The following OR5V1 variants were observed in gnomAD, a reference collection of about 807,000 sequenced individuals.
OR5V1 encodes olfactory receptor family 5 subfamily V member 1, also known as olfactory receptor 5V1.
For missense variants in OR5V1, 365 were observed against 371.5 expected (o/e 0.98, Z 0.14); for synonymous variants, 134 against 143.2 (o/e 0.94, Z 0.46).
Position 29,355,517 on chromosome 6 carries a change from T to G in OR5V1, c.679A>C (p.Arg227=). The change falls in exon 2 of 2, where the codon AGG becomes CGG. Residue 227 remains arginine, a synonymous_variant. Transcript: ENST00000641768. The part of the protein sequence containing the change: ...SYICIISTIL[R]IQSSEGRRKA... Reference sequence around the variant, plus strand: ...CGTCTTCCCTCTGAGGACTGGATCCTCAAGATGGTGGAGATTATGCAAATG... The same window carrying G: ...CGTCTTCCCTCTGAGGACTGGATCCGCAAGATGGTGGAGATTATGCAAATG... 3.1e-6 allele frequency: 5 copies of G among 1,613,968 alleles called. No individual in the cohort carries two copies. Among genetic ancestry groups the G allele is most frequent in the Non-Finnish European group, 4.2e-6 (5 of 1,179,906 alleles).
chr6:29,366,326 A>T (rs906069911), intron 1 of OR5V1, among the ~76,000 whole-genome samples: 1 of 14,752 alleles, frequency 6.8e-5, no homozygotes, highest in East Asian at 4.3e-3. Context: ...AAAGTATATT[A>T]AAAAAAAAAA....
At chr6:29,360,545 G>C (rs998896089) in intron 1 of OR5V1, among the ~76,000 whole-genome samples, 2 of 152,138 alleles carry the variant, frequency 1.3e-5, no homozygotes, top group Non-Finnish European at 2.9e-5. Context: ...GCTGGCACTG[G>C]GCTTCCCTTT....
At position 29,357,607 on chromosome 6, in the gene OR5V1, A is replaced by G. The variant is rs114431804; in HGVS notation, c.-82-1330T>C. Among the ~76,000 whole-genome samples the G allele has an allele frequency of 7.0e-3, 1,067 of 152,256 alleles. 8 individuals are homozygous for G. The highest frequency in any genetic ancestry group is 0.011 in the Non-Finnish European group (716 of 67,980). ...TGCAGTGTTTTGATGGTTAAATCCA[A>G]TTGTTTCTAAATACCTGGTTTTTAT... On this transcript the variant is annotated intron_variant, in intron 1 of 1. Transcript: ENST00000641768.
At position 29,355,342 on chromosome 6, in the gene OR5V1, AG is replaced by A. The variant is rs1479720196; in HGVS notation, c.853del (p.Leu285Ter). On this transcript the variant is annotated frameshift_variant, in exon 2 of 2. Transcript: ENST00000641768. LOFTEE classifies it low-confidence loss of function (END_TRUNC). ...SVLYSVVTPM[L>X]NPIIYTLRNK... ...CCTCAATGTGTAAATTATAGGGTTT[AG>A]CATGGGGGTAACAACACTGTACAAC... 6.2e-7 allele frequency: 1 copy of A among 1,613,892 alleles called. No individual in the cohort carries two copies. Among genetic ancestry groups the A allele is most frequent in the Non-Finnish European group, 8.5e-7 (1 of 1,179,904 alleles).
chr6:29,355,689 ACAGAAGGG>A lies in OR5V1; in HGVS notation c.499_506del (p.Pro167TrpfsTer6), dbSNP rs1562924217. 6.2e-7 allele frequency: 1 copy of A among 1,614,066 alleles called. No homozygotes were observed. The highest frequency in any genetic ancestry group is 1.7e-5 in the Admixed American group (1 of 59,982). Reference sequence around the variant, plus strand: ...AGAAGTAATTAATCTGATTGTTGCCACAGAAGGGCAGGCAGAATGTCAACACTGTATGC... The same window carrying A: ...AGAAGTAATTAATCTGATTGTTGCCACAGGCAGAATGTCAACACTGTATGC... On this transcript the variant is annotated frameshift_variant, in exon 2 of 2. Transcript: ENST00000641768. LOFTEE classifies it low-confidence loss of function (END_TRUNC).
In OR5V1 at chr6:29,355,486, G is replaced by T. The variant is rs1247144001; in HGVS notation, c.710C>A (p.Ala237Asp). 1.9e-6 allele frequency: 3 copies of T among 1,613,870 alleles called. No individual in the cohort carries two copies. The East Asian group carries it at 6.7e-5, about 36-fold the overall frequency. ...CAGGTGGGAGGCACATGTAGAGAAG[G>T]CTTTTCGTCTTCCCTCTGAGGACTG... ...RIQSSEGRRK[A>D]FSTCASHLAI... Residue 237 changes from alanine (A) to aspartate (D), a missense_variant, in exon 2 of 2, where the codon GCC (alanine) becomes GAC (aspartate). Physicochemically the swap from Ala to Asp is moderately radical, Grantham distance 126 (BLOSUM62 -2). Coordinates refer to ENST00000641768, the MANE Select transcript of OR5V1 (RefSeq NM_030876.6).
Position 29,355,725 on chromosome 6 carries a change from CACT to C in OR5V1, c.468_470del (p.Val158del). The C allele has an allele frequency of 6.2e-7, 1 of 1,613,984 alleles. No individual in the cohort carries two copies. On this transcript the variant is annotated inframe_deletion, in exon 2 of 2. Transcript: ENST00000641768. ...GGCAGAATGTCAACACTGTATGCAC[CACT>C]GAGTTAAGGAAACCAGCAGCCCAGC...
Position 29,355,130 on chromosome 6 carries a change from A to G in OR5V1, c.*100T>C. ...GACTGGAGTGTATCAACTCTTCAAT[A>G]TCTGTCCCAACATTGCAATTATCTT... is the stretch of plus-strand genomic sequence containing the variant. On this transcript the variant is annotated 3_prime_UTR_variant, in exon 2 of 2. Transcript: ENST00000641768. 1 of 1,201,322 alleles carries G rather than the reference A, an allele frequency of 8.3e-7. No individual in the cohort carries two copies. Among genetic ancestry groups the G allele is most frequent in the Non-Finnish European group, 1.1e-6 (1 of 871,276 alleles). The allele number at this position is 1,201,322 out of a possible 1,614,324, so 74.4% of individuals were successfully genotyped here.
Position 29,355,979 on chromosome 6 carries a change from A to G in OR5V1, c.217T>C (p.Tyr73His), listed in dbSNP as rs1225588250. The G allele has an allele frequency of 6.2e-7, 1 of 1,614,094 alleles. No homozygotes were observed. Among genetic ancestry groups the G allele is most frequent in the East Asian group, 2.2e-5 (1 of 44,882 alleles). ...ATCTGGGGGACATTGCTGGTGGTGTAGCAGATGTCAATAAAGGCCAAGTTC... is the reference window on the plus strand; with the variant it reads ...ATCTGGGGGACATTGCTGGTGGTGTGGCAGATGTCAATAAAGGCCAAGTTC... ...LGNLAFIDIC[Y>H]TTSNVPQMMV... Residue 73 changes from tyrosine (Y) to histidine (H), a missense_variant, in exon 2 of 2, where the codon TAC becomes CAC. By Grantham distance (83) the Tyr-to-His change is moderately conservative. Coordinates refer to ENST00000641768, the MANE Select transcript of OR5V1 (RefSeq NM_030876.6).
rs534176240 is a variant in OR5V1 at position 29,355,756 on chromosome 6, G to C, written c.440C>G (p.Ser147Ter). 3.1e-6 allele frequency: 5 copies of C among 1,613,794 alleles called. No individual in the cohort carries two copies. In the East Asian group the frequency reaches 8.9e-5, roughly 29 times the overall value. ...SKVLCNQLAA[S>*]CWAAGFLNSV... ...GTTAAGGAAACCAGCAGCCCAGCAT[G>C]AGGCTGCTAATTGATTGCATAGAAC... Residue 147 changes from serine (S) to a stop codon, truncating the protein, a stop_gained, in exon 2 of 2, where the codon TCA becomes TGA. Transcript: ENST00000641768. LOFTEE classifies it low-confidence loss of function (END_TRUNC).
In OR5V1 at chr6:29,354,815, G is replaced by T. The variant is rs1778174873; in HGVS notation, c.*415C>A. On this transcript the variant is annotated 3_prime_UTR_variant, in exon 2 of 2. Coordinates refer to ENST00000641768, the MANE Select transcript of OR5V1 (RefSeq NM_030876.6). ...GTTTTATTAAGAAGGGCCTACTAAA[G>T]AAAGAAAGGTCAAAAGCATGGCTTA... 1 of 155,342 alleles carries T rather than the reference G, an allele frequency of 6.4e-6. No homozygotes were observed. Among genetic ancestry groups the T allele is most frequent in the Non-Finnish European group, 1.4e-5 (1 of 70,396 alleles). 9.6% of individuals were successfully genotyped at this position (155,342 alleles called of 1,614,324 possible).
At chr6:29,360,002 G>A (rs958142600) in intron 1 of OR5V1, among the ~76,000 whole-genome samples, 5 of 152,204 alleles carry the variant, frequency 3.3e-5, no homozygotes, top group African/African-American at 7.2e-5. Flanking sequence ...AGCCCAGCAA[G>A]CTAAGGACCA....
Position 29,355,825 on chromosome 6 carries a change from A to G in OR5V1, c.371T>C (p.Ile124Thr), listed in dbSNP as rs1269869581. ...LLAAMAYDRYIAICNPLRYSV... is the reference protein window; with the variant it reads ...LLAAMAYDRYTAICNPLRYSV... ...ATACCTTAAAGGATTGCAGATTGCA[A>G]TGTAACGATCATATGCCATTGCTGC... The change falls in exon 2 of 2, where the codon ATT (isoleucine) becomes ACT (threonine). Residue 124 changes from isoleucine (I) to threonine (T), a missense_variant. By Grantham distance (89) the Ile-to-Thr change is moderately conservative. Coordinates refer to ENST00000641768, the MANE Select transcript of OR5V1 (RefSeq NM_030876.6). 6.2e-7 allele frequency: 1 copy of G among 1,614,076 alleles called. No individual in the cohort carries two copies. Among genetic ancestry groups the G allele is most frequent in the South Asian group, 1.1e-5 (1 of 91,086 alleles).
chr6:29,364,384 G>T (rs918929898), intron 1 of OR5V1, among the ~76,000 whole-genome samples: 2 of 150,470 alleles, frequency 1.3e-5, no homozygotes, highest in Non-Finnish European at 3.0e-5. Flanking sequence ...GTAATTTATA[G>T]ATTCAATGCT....
intron 1 of OR5V1, among the ~76,000 whole-genome samples, chr6:29,368,407 A>G: frequency 6.6e-6 from 1 of 152,192 alleles, no homozygotes; most frequent in Non-Finnish European, 1.5e-5. Context: ...TGACATAAAA[A>G]TTACCCAAAA....
At chr6:29,362,331 A>C (rs966554017) in intron 1 of OR5V1, among the ~76,000 whole-genome samples, 1 of 152,198 alleles carries the variant, frequency 6.6e-6, no homozygotes, top group Non-Finnish European at 1.5e-5. Flanking sequence ...CCCATACAAT[A>C]ATAATGGAAG....
At position 29,356,128 on chromosome 6, in the gene OR5V1, A is replaced by C. The variant is rs6930033; in HGVS notation, c.68T>G (p.Leu23Trp). 0.17 allele frequency: 274,687 copies of C among 1,611,594 alleles called. 26,495 individuals are homozygous for C. Among genetic ancestry groups the C allele is most frequent in the East Asian group, 0.4 (17,857 of 44,824 alleles). The change falls in exon 2 of 2, where the codon TTG becomes TGG. Residue 23 changes from leucine to tryptophan, a missense_variant. Transcript: ENST00000641768. ...IILGFSNLNE[L>W]QFLLFTIFFL... ...GAAGATGGTGAATAGTAAAAACTGCAATTCATTTAGGTTGGAGAATCCCAA... is the reference window on the plus strand; with the variant it reads ...GAAGATGGTGAATAGTAAAAACTGCCATTCATTTAGGTTGGAGAATCCCAA...
At position 29,355,320 on chromosome 6, in the gene OR5V1, C is replaced by T; in HGVS notation, c.876G>A (p.Leu292=). The T allele has an allele frequency of 6.2e-7, 1 of 1,613,894 alleles. No homozygotes were observed. The highest frequency in any genetic ancestry group is 8.5e-7 in the Non-Finnish European group (1 of 1,179,858). The change falls in exon 2 of 2, where the codon TTG becomes TTA. Residue 292 remains leucine (L), a synonymous_variant. Coordinates refer to ENST00000641768, the MANE Select transcript of OR5V1 (RefSeq NM_030876.6). ...TPMLNPIIYT[L]RNKDIKEAVK... ...CAGCTTCTTTGATGTCCTTATTCCT[C>T]AATGTGTAAATTATAGGGTTTAGCA...
intron 1 of OR5V1, among the ~76,000 whole-genome samples, chr6:29,358,334 GA>G (rs35657658): frequency 2.6e-5 from 4 of 152,028 alleles, no homozygotes; most frequent in Non-Finnish European, 5.9e-5. Flanking sequence ...CAAAAATGTG[GA>G]AAAAAGGGAA....
Sources: allele counts gnomAD v4.1 joint callset (sites outside exome capture counted in the v4.1 genomes callset), GRCh38; gene constraint gnomAD v4.1.1; transcripts MANE v1.5; gene names NCBI Gene and HGNC (gene_info 2026-07-23, HGNC 2026-07-21).